HS3ST4: variants seen among roughly 807,000 people sequenced by gnomAD.
HS3ST4 encodes the protein heparan sulfate-glucosamine 3-sulfotransferase 4.
A neutral mutation model predicts 29.2 loss-of-function variants in HS3ST4; 17 were observed. The ratio of observed to expected loss-of-function variants is 0.58; its 90% confidence interval spans 0.40 to 0.87. HS3ST4 has a LOEUF of 0.87. HS3ST4 is among the 40% of genes least tolerant of loss of function. The pLI is 0.00. For synonymous variants in HS3ST4, 314 were observed against 285.7 expected (o/e 1.10, Z -1.00); for missense variants, 627 against 634.5 (o/e 0.99, Z 0.13).
rs187851771 is a variant in HS3ST4 at position 25,834,218 on chromosome 16, A to G, written c.734+141067A>G. The stretch of plus-strand genomic sequence containing the variant: ...GTTGTCAAAGGGTGGCCCCTAAACT[A>G]GCAACATCAACATCACTTGGAAATG... On this transcript the variant is annotated intron_variant, in intron 1 of 1. Coordinates refer to ENST00000331351, the MANE Select transcript of HS3ST4 (RefSeq NM_006040.3). Among the ~76,000 whole-genome samples, 336 of 152,334 alleles carry G rather than the reference A, an allele frequency of 2.2e-3. 1 individual carries two copies. The highest frequency in any genetic ancestry group is 7.4e-3 in the African/African-American group (308 of 41,574).
chr16:25,801,334 G>A (rs548391889), intron 1 of HS3ST4, among the ~76,000 whole-genome samples: 16 of 152,238 alleles, frequency 1.1e-4, no homozygotes, highest in African/African-American at 3.4e-4. Context: ...AGATGTGTAA[G>A]TTGCTTGCAG....
At chr16:26,079,763 C>T (rs1467062233) in intron 1 of HS3ST4, among the ~76,000 whole-genome samples, 1 of 152,208 alleles carries the variant, frequency 6.6e-6, no homozygotes, top group Non-Finnish European at 1.5e-5. Context: ...CTTTTGAGGA[C>T]TGTGCATCTA....
At chr16:25,927,346 AG>A (rs2141685669) in intron 1 of HS3ST4, among the ~76,000 whole-genome samples, 1 of 152,372 alleles carries the variant, frequency 6.6e-6, no homozygotes, top group African/African-American at 2.4e-5. Flanking sequence ...AAGAAGATGT[AG>A]GATGGGCTTG....
intron 1 of HS3ST4, among the ~76,000 whole-genome samples, chr16:25,874,553 A>C (rs988618477): frequency 6.6e-6 from 1 of 152,144 alleles, no homozygotes; most frequent in African/African-American, 2.4e-5. Context: ...CCACCCATCC[A>C]TCAATTTTTC....
chr16:26,094,950 G>A (rs57079434), intron 1 of HS3ST4, among the ~76,000 whole-genome samples: 56,602 of 124,492 alleles, frequency 0.45, 11,024 homozygotes, highest in Middle Eastern at 0.5. Flanking sequence ...GCAAAAAAAA[G>A]CAGGGGTTGC....
rs1302755378 is a variant in HS3ST4, at chr16:25,692,460, C to T, written c.43C>T (p.Pro15Ser). The stretch of plus-strand genomic sequence containing the variant: ...ACCTCCTCCGCCTCCGCCTCCGCCT[C>T]CACCTCTGGCCGCGCCGCCGCCGCC... ...PAPPPPPPPPPPLAAPPPPGA... is the reference protein window; with the variant it reads ...PAPPPPPPPPSPLAAPPPPGA... Residue 15 changes from proline (P) to serine (S), a missense_variant, in exon 1 of 2, where the codon CCA (proline) becomes TCA (serine). Pro to Ser is a moderately conservative substitution (Grantham distance 74). Around this residue, in one of 2 missense-constraint regions of HS3ST4, gnomAD observed 402 missense variants for 340.8 expected, o/e 1.18. Coordinates refer to ENST00000331351, the MANE Select transcript of HS3ST4 (RefSeq NM_006040.3). 2 of 1,336,690 alleles carry T rather than the reference C, an allele frequency of 1.5e-6. No individual in the cohort carries two copies. Among genetic ancestry groups the T allele is most frequent in the East Asian group, 3.5e-5 (1 of 28,650 alleles). The allele number at this position is 1,336,690 out of a possible 1,614,324, so 82.8% of individuals were successfully genotyped here.
intron 1 of HS3ST4, among the ~76,000 whole-genome samples, chr16:25,791,732 T>A (rs1163323296): frequency 6.6e-6 from 1 of 152,154 alleles, no homozygotes; most frequent in East Asian, 1.9e-4. Flanking sequence ...ATTAATGATT[T>A]GGATATTGGC....
chr16:25,779,124 G>A (rs1396115214), intron 1 of HS3ST4, among the ~76,000 whole-genome samples: 13 of 152,140 alleles, frequency 8.5e-5, no homozygotes, highest in Admixed American at 7.9e-4. Context: ...CACAGGGGTT[G>A]GCCTAGGCTA....
At chr16:26,013,486 G>A (rs1969331024) in intron 1 of HS3ST4, among the ~76,000 whole-genome samples, 1 of 152,076 alleles carries the variant, frequency 6.6e-6, no homozygotes, top group South Asian at 2.1e-4. Context: ...TACTCCTAGG[G>A]ATGTTTTCCA....
At chr16:25,986,823 C>T (rs1402699362) in intron 1 of HS3ST4, among the ~76,000 whole-genome samples, 1 of 152,224 alleles carries the variant, frequency 6.6e-6, no homozygotes, top group African/African-American at 2.4e-5. Flanking sequence ...CAGCCTGTGG[C>T]TGTAGCTTTT....
intron 1 of HS3ST4, chr16:26,032,659 C>T: frequency 1.5e-6 from 2 of 1,362,874 alleles, no homozygotes; most frequent in Non-Finnish European, 2.1e-6. Context: ...CTTTGGGTAC[C>T]TTCTCTCCCT....
Position 26,136,677 on chromosome 16 carries a change from T to A in HS3ST4, c.*429T>A, listed in dbSNP as rs1325369302. ...CTGTATCTGTCATGGGCACCTGCTG[T>A]CTAAACCTCTGCTTGGGCTTCTCCC... On this transcript the variant is annotated 3_prime_UTR_variant, in exon 2 of 2. Transcript: ENST00000331351. 1 of 178,774 alleles carries A rather than the reference T, an allele frequency of 5.6e-6. No homozygotes were observed. The highest frequency in any genetic ancestry group is 1.2e-5 in the Non-Finnish European group (1 of 83,070). 11.1% of individuals were successfully genotyped at this position (178,774 alleles called of 1,614,324 possible).
intron 1 of HS3ST4, among the ~76,000 whole-genome samples, chr16:25,846,983 A>C (rs4130887): frequency 0.29 from 43,934 of 149,462 alleles, 6,859 homozygotes; most frequent in Admixed American, 0.35. Flanking sequence ...CAGCACATAC[A>C]CTTCCTATTT....
At chr16:26,019,090 T>C (rs1969387093) in intron 1 of HS3ST4, among the ~76,000 whole-genome samples, 1 of 152,110 alleles carries the variant, frequency 6.6e-6, no homozygotes, top group Non-Finnish European at 1.5e-5. Flanking sequence ...AAAAACATCA[T>C]ATTCCCGTCC....
At chr16:26,107,249 C>G (rs760790716) in intron 1 of HS3ST4, among the ~76,000 whole-genome samples, 27 of 151,786 alleles carry the variant, frequency 1.8e-4, no homozygotes, top group Non-Finnish European at 2.9e-5. Context: ...TAACACAAAA[C>G]TACACACACA....
At chr16:25,778,035 A>G (rs1437868760) in intron 1 of HS3ST4, among the ~76,000 whole-genome samples, 2 of 152,030 alleles carry the variant, frequency 1.3e-5, no homozygotes, top group African/African-American at 4.8e-5. Context: ...GGCCAGGTGG[A>G]TTGGGGGTCC....
chr16:25,906,037 C>T (rs985844736), intron 1 of HS3ST4, among the ~76,000 whole-genome samples: 4 of 152,100 alleles, frequency 2.6e-5, no homozygotes, highest in South Asian at 4.1e-4. Flanking sequence ...AAAGTGGTGG[C>T]GACTGTAAAG....
intron 1 of HS3ST4, among the ~76,000 whole-genome samples, chr16:25,901,998 G>C (rs1296061548): frequency 6.6e-6 from 1 of 152,176 alleles, no homozygotes; most frequent in Non-Finnish European, 1.5e-5. Context: ...CAGGTCTGTT[G>C]CTGGGTCTCT....
chr16:25,860,803 A>T (rs1967629113), intron 1 of HS3ST4, among the ~76,000 whole-genome samples: 1 of 152,210 alleles, frequency 6.6e-6, no homozygotes, highest in Non-Finnish European at 1.5e-5. Context: ...ACATGGCATT[A>T]TAAATTTGCC....
Sources: allele counts gnomAD v4.1 joint callset (sites outside exome capture counted in the v4.1 genomes callset), GRCh38; gene constraint gnomAD v4.1.1; regional missense constraint gnomAD v4.1.1; transcripts MANE v1.5; gene names NCBI Gene and HGNC (gene_info 2026-07-23, HGNC 2026-07-21).